RBPJ: variants seen among roughly 807,000 people sequenced by gnomAD.
The protein encoded by RBPJ is recombining binding protein suppressor of hairless.
Under a neutral mutation model 67.8 loss-of-function variants are expected in RBPJ, and 9 were observed. The observed-to-expected ratio is 0.13, with a 90% CI of 0.08 to 0.23. The LOEUF is 0.23. RBPJ is among the 10% of genes least tolerant of loss of function. RBPJ has a pLI of 1.00. For missense variants in RBPJ, 305 were observed against 595.6 expected (o/e 0.51, Z 5.08); for synonymous variants, 198 against 203.3 (o/e 0.97, Z 0.22).
intron 1 of RBPJ, among the ~76,000 whole-genome samples, chr4:26,328,689 C>T: frequency 6.6e-6 from 1 of 152,104 alleles, no homozygotes; most frequent in East Asian, 1.9e-4. Context: ...AATACAGTGG[C>T]AAAGTCGTAC....
At chr4:26,385,883 C>G (rs1470173950) in intron 1 of RBPJ, among the ~76,000 whole-genome samples, 1 of 151,676 alleles carries the variant, frequency 6.6e-6, no homozygotes, top group Non-Finnish European at 1.5e-5. Flanking sequence ...ACTCACTGCA[C>G]CCTTGAACCC....
At chr4:26,415,768 C>A in intron 4 of RBPJ, 128 bp downstream of exon 4, 4 of 887,162 alleles carry the variant, frequency 4.5e-6, no homozygotes, top group African/African-American at 1.7e-5. Flanking sequence ...AATATATAAA[C>A]TAGGACCAAA....
At chr4:26,253,925 G>A (rs543516884) in intron 1 of RBPJ, among the ~76,000 whole-genome samples, 5 of 149,098 alleles carry the variant, frequency 3.4e-5, no homozygotes, top group Admixed American at 3.3e-4. Context: ...GCACTTCCAA[G>A]TCCTAAAACA....
At position 26,430,660 on chromosome 4, in the gene RBPJ, G is replaced by A. The variant is rs761728353; in HGVS notation, c.1149-32G>A. The A allele has an allele frequency of 1.2e-6, 2 of 1,602,754 alleles. No individual in the cohort carries two copies. The highest frequency in any genetic ancestry group is 1.7e-6 in the Non-Finnish European group (2 of 1,172,756). ...TTTAACATGTACTTTGCTTTTTAAA[G>A]TGTTTTTAAGTGATTTCTATTTCCT... On this transcript the variant is annotated intron_variant, in intron 10 of 10. Coordinates refer to ENST00000355476, the MANE Select transcript of RBPJ (RefSeq NM_015874.6). The surrounding 1 kb of genome is among the most constrained non-coding windows in gnomAD (Gnocchi z 4.1).
chr4:26,431,041 G>A lies in RBPJ; in HGVS notation c.*34G>A, dbSNP rs1366919533. ...TTTTTGCTAGGACTTAAACTGACTT[G>A]AGTGTGGCAAAAAGTTAACAAAAAA... On this transcript the variant is annotated 3_prime_UTR_variant, in exon 11 of 11. Transcript: ENST00000355476. The A allele has an allele frequency of 1.3e-6, 2 of 1,566,840 alleles. No homozygotes were observed. Among genetic ancestry groups the A allele is most frequent in the Non-Finnish European group, 1.7e-6 (2 of 1,145,564 alleles).
chr4:26,171,643 G>A (rs976906492), intron 1 of RBPJ, among the ~76,000 whole-genome samples: 29 of 152,314 alleles, frequency 1.9e-4, no homozygotes, highest in Non-Finnish European at 4.0e-4. Flanking sequence ...ACAGGCTTAC[G>A]ATAGTCACAA....
intron 1 of RBPJ, among the ~76,000 whole-genome samples, chr4:26,233,250 A>G (rs79860941): frequency 0.014 from 2,105 of 152,304 alleles, 48 homozygotes; most frequent in African/African-American, 0.047. Flanking sequence ...CTGGGGGGGA[A>G]AACTATAAAT....
chr4:26,166,966 AAT>A (rs763129460), intron 1 of RBPJ, among the ~76,000 whole-genome samples: 1 of 152,196 alleles, frequency 6.6e-6, no homozygotes, highest in Non-Finnish European at 1.5e-5. Flanking sequence ...CCATTTATTA[AAT>A]AGGGACTCTT....
chr4:26,324,087 A>G (rs1331119087), intron 1 of RBPJ, among the ~76,000 whole-genome samples: 1 of 152,190 alleles, frequency 6.6e-6, no homozygotes, highest in African/African-American at 2.4e-5. Context: ...AATGGGAATT[A>G]TAATAACTTG....
intron 1 of RBPJ, among the ~76,000 whole-genome samples, chr4:26,210,666 C>CTTT (rs1323539648): frequency 2.3e-3 from 52 of 22,300 alleles, no homozygotes; most frequent in African/African-American, 0.011. Flanking sequence ...TTTCTTTTTT[C>CTTT]TTTCTTTCTT....
intron 2 of RBPJ, among the ~76,000 whole-genome samples, chr4:26,400,917 G>A (rs771903345): frequency 6.6e-6 from 1 of 152,192 alleles, no homozygotes; most frequent in Non-Finnish European, 1.5e-5. Flanking sequence ...GTGGGAAGAT[G>A]GATAGTTGTG....
At chr4:26,186,547 C>T (rs1001588109) in intron 1 of RBPJ, among the ~76,000 whole-genome samples, 2 of 152,078 alleles carry the variant, frequency 1.3e-5, no homozygotes, top group Non-Finnish European at 2.9e-5. Flanking sequence ...AGTGCCTGAG[C>T]GAGACCCTCT....
At chr4:26,246,631 C>T (rs905323577) in intron 1 of RBPJ, among the ~76,000 whole-genome samples, 7 of 152,214 alleles carry the variant, frequency 4.6e-5, no homozygotes, top group African/African-American at 1.7e-4. Flanking sequence ...TGGGGAGAAG[C>T]AAGCCTGCCA....
intron 7 of RBPJ, among the ~76,000 whole-genome samples, chr4:26,427,930 T>C (rs949644402): frequency 6.6e-6 from 1 of 152,216 alleles, no homozygotes; most frequent in African/African-American, 2.4e-5. Context: ...ACCTTCTAGG[T>C]GTCAAGTGTC....
chr4:26,197,037 C>T (rs1027776129), intron 1 of RBPJ, among the ~76,000 whole-genome samples: 1 of 152,216 alleles, frequency 6.6e-6, no homozygotes, highest in African/African-American at 2.4e-5. Flanking sequence ...CTTTCTCTCG[C>T]TCACTCTCTC....
the RBPJ span, among the ~76,000 whole-genome samples, chr4:26,125,418 G>GAAA: frequency 6.6e-6 from 1 of 152,184 alleles, no homozygotes; most frequent in Admixed American, 6.5e-5. Context: ...CTGAGTAAAA[G>GAAA]GCTGTTTAAC....
the RBPJ span, among the ~76,000 whole-genome samples, chr4:26,137,818 G>A: frequency 3.3e-5 from 5 of 152,178 alleles, no homozygotes; most frequent in African/African-American, 1.2e-4. Context: ...CCATTTGGGG[G>A]ATTCAGCCCT....
At chr4:26,435,100 T>G (rs1334842684), downstream of RBPJ, 2 of 152,194 alleles carry the variant, frequency 1.3e-5, no homozygotes, top group African/African-American at 4.8e-5. Flanking sequence ...AACTATATAG[T>G]GCTTTAAAGA....
chr4:26,113,710 C>G, the RBPJ span: 1 of 283,292 alleles, frequency 3.5e-6, no homozygotes, highest in East Asian at 7.8e-5. Flanking sequence ...ATCTCATTGT[C>G]CATCAAAGAA....
Sources: gnomAD v4.1 joint callset for allele counts (sites outside exome capture counted in the v4.1 genomes callset) on GRCh38, gnomAD v4.1.1 for gene constraint, Gnocchi (gnomAD v3.1) non-coding constraint, MANE v1.5 for transcripts, NCBI Gene and HGNC (gene_info 2026-07-23, HGNC 2026-07-21) for gene names.